NALCN: variants seen among roughly 807,000 people sequenced by gnomAD.
NALCN encodes sodium leak channel, non-selective.
In NALCN, 111 loss-of-function variants were observed where a neutral mutation model predicts 225.3. The observed-to-expected ratio is 0.49, with a 90% CI of 0.42 to 0.58. The LOEUF is 0.58. Among genes scored for constraint, NALCN ranks in the 20% least tolerant of loss-of-function variants. NALCN has a pLI of 0.00. For synonymous variants in NALCN, 764 were observed against 769.0 expected (o/e 0.99, Z 0.11); for missense variants, 1,378 against 2,202.4 (o/e 0.63, Z 7.49).
intron 6 of NALCN, among the ~76,000 whole-genome samples, chr13:101,348,389 C>T (rs1404227403): frequency 6.6e-6 from 1 of 152,094 alleles, no homozygotes; most frequent in African/African-American, 2.4e-5. Context: ...ACAATCAATG[C>T]TAGATGTTAC....
chr13:101,330,934 C>T (rs2045145433), intron 7 of NALCN, among the ~76,000 whole-genome samples: 1 of 152,196 alleles, frequency 6.6e-6, no homozygotes, highest in South Asian at 2.1e-4. Context: ...GATTGTGAGG[C>T]CTCCCCAGCC....
intron 12 of NALCN, among the ~76,000 whole-genome samples, 193 bp from the exon 13 acceptor site, chr13:101,229,777 G>A (rs1228371314): frequency 6.6e-6 from 1 of 152,064 alleles, no homozygotes; most frequent in Non-Finnish European, 1.5e-5. Flanking sequence ...ATGAATGGAT[G>A]AACTAAGTGT....
chr13:101,345,656 C>T (rs1466230154), intron 6 of NALCN, among the ~76,000 whole-genome samples: 1 of 146,734 alleles, frequency 6.8e-6, no homozygotes, highest in Non-Finnish European at 1.5e-5. Context: ...CAGAGCAAGA[C>T]CTTGAGAGAC....
intron 28 of NALCN, among the ~76,000 whole-genome samples, chr13:101,092,368 G>A (rs2034279584): frequency 6.6e-6 from 1 of 152,190 alleles, no homozygotes; most frequent in Admixed American, 6.5e-5. Flanking sequence ...AAAACGGCAT[G>A]CTGTATCTTA....
intron 7 of NALCN, among the ~76,000 whole-genome samples, chr13:101,321,879 T>C (rs1440522519): frequency 6.6e-6 from 1 of 152,176 alleles, no homozygotes; most frequent in Non-Finnish European, 1.5e-5. Context: ...GAATTGTAGA[T>C]AATCATAAAA....
At chr13:101,066,477 C>T (rs2032401227) in intron 39 of NALCN, among the ~76,000 whole-genome samples, 2 of 151,582 alleles carry the variant, frequency 1.3e-5, no homozygotes, top group South Asian at 2.1e-4. Flanking sequence ...ACACAAACCA[C>T]CATGCCCCCT....
At chr13:101,394,901 A>C (rs922443139) in intron 3 of NALCN, among the ~76,000 whole-genome samples, 4 of 152,192 alleles carry the variant, frequency 2.6e-5, no homozygotes, top group Non-Finnish European at 5.9e-5. Context: ...AAGTGGCATG[A>C]ATAACCCTAC....
intron 15 of NALCN, among the ~76,000 whole-genome samples, chr13:101,164,961 G>A (rs1427671475): frequency 6.6e-6 from 1 of 152,120 alleles, no homozygotes; most frequent in Non-Finnish European, 1.5e-5. Context: ...ACAGATTTGA[G>A]TGAAATGCAG....
In NALCN at chr13:101,065,547, C is replaced by T. The variant is rs572571158; in HGVS notation, c.4461G>A (p.Thr1487=). The T allele has an allele frequency of 4.5e-5, 72 of 1,613,924 alleles. No individual in the cohort carries two copies. Among genetic ancestry groups the T allele is most frequent in the South Asian group, 6.6e-5 (6 of 91,086 alleles). Residue 1487 remains threonine (T), a synonymous_variant, in exon 40 of 44, where the codon ACG becomes ACA. Coordinates refer to ENST00000251127, the MANE Select transcript of NALCN (RefSeq NM_052867.4). ...GCCGCAGCAGGAACTTGACGCGGAA[C>T]GTGGGGATCACCCCCTGCGGGGCAG... ...VDDKREGVIP[T]FRVKFLLRLL... is the part of the protein sequence containing the mutation.
intron 22 of NALCN, among the ~76,000 whole-genome samples, chr13:101,106,133 A>G (rs1454480477): frequency 1.3e-5 from 2 of 152,070 alleles, no homozygotes; most frequent in Admixed American, 1.3e-4. Context: ...ACTTGTGGAG[A>G]GCCGTCTTCT....
intron 10 of NALCN, among the ~76,000 whole-genome samples, chr13:101,275,637 G>A (rs2042944806): frequency 6.6e-6 from 1 of 152,122 alleles, no homozygotes; most frequent in South Asian, 2.1e-4. Flanking sequence ...TATGCATCAG[G>A]TGAAGATAAG....
intron 35 of NALCN, 46 bp from the exon 36 acceptor site, chr13:101,074,708 G>GAC (rs2033138235): frequency 3.9e-6 from 6 of 1,522,588 alleles, no homozygotes; most frequent in Middle Eastern, 1.8e-4. Flanking sequence ...GAGAGAGAGA[G>GAC]AGAGACAGAG....
At chr13:101,383,920 A>G (rs1237950983) in intron 3 of NALCN, among the ~76,000 whole-genome samples, 2 of 152,236 alleles carry the variant, frequency 1.3e-5, no homozygotes, top group Non-Finnish European at 2.9e-5. Flanking sequence ...CATATTAATC[A>G]TTATCAATAA....
chr13:101,083,037 G>A, intron 32 of NALCN, 55 bp downstream of exon 32: 1 of 1,571,230 alleles, frequency 6.4e-7, no homozygotes, highest in African/African-American at 1.3e-5. Flanking sequence ...GATACTCTCG[G>A]ATGTAGCAGT....
intron 6 of NALCN, among the ~76,000 whole-genome samples, chr13:101,374,011 T>C (rs984840061): frequency 1.3e-5 from 2 of 152,068 alleles, no homozygotes; most frequent in African/African-American, 4.8e-5. Flanking sequence ...AATAATAATA[T>C]GTCCAGAAAA....
At chr13:101,305,462 C>T (rs1193187374) in intron 7 of NALCN, among the ~76,000 whole-genome samples, 1 of 152,196 alleles carries the variant, frequency 6.6e-6, no homozygotes, top group African/African-American at 2.4e-5. Flanking sequence ...GACATTTTAG[C>T]AAGACAATTC....
intron 13 of NALCN, among the ~76,000 whole-genome samples, chr13:101,212,639 G>C (rs2040568589): frequency 6.6e-6 from 1 of 152,158 alleles, no homozygotes; most frequent in Non-Finnish European, 1.5e-5. Context: ...TTTTGTGAAA[G>C]ATGATTTTCA....
intron 15 of NALCN, among the ~76,000 whole-genome samples, chr13:101,164,543 G>A (rs1252553764): frequency 6.6e-6 from 1 of 151,958 alleles, no homozygotes; most frequent in Non-Finnish European, 1.5e-5. Context: ...CTCCCACCTT[G>A]GCCTCCCATA....
chr13:101,176,221 T>A (rs1362027088), intron 15 of NALCN, 79 bp downstream of exon 15: 3 of 1,065,148 alleles, frequency 2.8e-6, no homozygotes, highest in Non-Finnish European at 3.9e-6. Flanking sequence ...AAGCTCAAAT[T>A]TTTAATATTG....
Sources: allele counts gnomAD v4.1 joint callset (sites outside exome capture counted in the v4.1 genomes callset), GRCh38; gene constraint gnomAD v4.1.1; transcripts MANE v1.5; gene names NCBI Gene and HGNC (gene_info 2026-07-23, HGNC 2026-07-21).